NEK10: variants seen among roughly 807,000 people sequenced by gnomAD.
NEK10 encodes the protein serine/threonine-protein kinase Nek10.
Under a neutral mutation model 159.8 loss-of-function variants are expected in NEK10, and 122 were observed. That is an observed-to-expected ratio of 0.76 (90% CI 0.66 to 0.89). The LOEUF (loss-of-function observed/expected upper bound fraction) is 0.89, where lower values mean the gene tolerates loss of function less well. NEK10 is among the 40% of genes least tolerant of loss of function. The pLI is 0.00. For synonymous variants in NEK10, 466 were observed against 457.1 expected (o/e 1.02, Z -0.25); for missense variants, 1,342 against 1,323.1 (o/e 1.01, Z -0.22).
rs529898511 is a variant in NEK10, at chr3:27,140,161, G to A, written c.2970+1321C>T. ...AGAAATAGATGGTCTGCCTATTAAA[G>A]TATTCCTTGATCAGTTTAACAGAAA... On this transcript the variant is annotated intron_variant, in intron 31 of 35. Coordinates refer to ENST00000691995, the MANE Select transcript of NEK10 (RefSeq NM_001394966.1). 4.3e-4 allele frequency among the ~76,000 whole-genome samples: 65 copies of A among 152,318 alleles called. 1 individual carries two copies. In the South Asian group the frequency reaches 0.012, roughly 29 times the overall value.
intron 22 of NEK10, among the ~76,000 whole-genome samples, chr3:27,281,973 A>C (rs569745606): frequency 2.0e-5 from 3 of 152,228 alleles, no homozygotes; most frequent in Non-Finnish European, 4.4e-5. Flanking sequence ...ACAAACAAAA[A>C]AGAAGGCAAT....
intron 26 of NEK10, among the ~76,000 whole-genome samples, chr3:27,183,804 C>A (rs770204882): frequency 6.6e-6 from 1 of 152,072 alleles, no homozygotes; most frequent in Non-Finnish European, 1.5e-5. Flanking sequence ...TACACATACA[C>A]AAAGATATAT....
At chr3:27,193,265 C>T (rs887144632) in intron 25 of NEK10, among the ~76,000 whole-genome samples, 6 of 152,160 alleles carry the variant, frequency 3.9e-5, no homozygotes, top group South Asian at 2.1e-4. Flanking sequence ...GCTATTACAA[C>T]GTCACTTACT....
At chr3:27,248,096 TG>T (rs1955273663) in intron 23 of NEK10, among the ~76,000 whole-genome samples, 1 of 152,120 alleles carries the variant, frequency 6.6e-6, no homozygotes, top group African/African-American at 2.4e-5. Flanking sequence ...GGTTCCATCT[TG>T]GTAGGTTGTA....
intron 23 of NEK10, chr3:27,215,028 C>A: frequency 3.3e-6 from 2 of 601,666 alleles, no homozygotes; most frequent in Non-Finnish European, 6.2e-6. Context: ...ACCTGTTCCC[C>A]ACCGGCGCCT....
intron 32 of NEK10, among the ~76,000 whole-genome samples, chr3:27,121,467 C>G (rs1162110154): frequency 2.0e-5 from 3 of 152,120 alleles, no homozygotes; most frequent in Non-Finnish European, 4.4e-5. Context: ...GTAATTGAAT[C>G]ATGGGTGTGG....
At chr3:27,204,474 C>A (rs1267032936) in intron 23 of NEK10, among the ~76,000 whole-genome samples, 14 of 99,136 alleles carry the variant, frequency 1.4e-4, no homozygotes, top group African/African-American at 2.3e-4. Flanking sequence ...CCCACCCCAC[C>A]ACAGTCCCCA....
intron 26 of NEK10, among the ~76,000 whole-genome samples, chr3:27,176,121 C>T (rs1947481897): frequency 6.6e-6 from 1 of 152,040 alleles, no homozygotes; most frequent in Non-Finnish European, 1.5e-5. Flanking sequence ...TATTTATGTT[C>T]TATAGGTAAG....
At chr3:27,343,525 T>TG (rs1179874151) in intron 5 of NEK10, among the ~76,000 whole-genome samples, 1 of 152,230 alleles carries the variant, frequency 6.6e-6, no homozygotes, top group Non-Finnish European at 1.5e-5. Context: ...ATTTTTCAGC[T>TG]GATGCATCTG....
intron 26 of NEK10, among the ~76,000 whole-genome samples, chr3:27,191,346 G>T (rs775119811): frequency 1.5e-4 from 23 of 151,432 alleles, no homozygotes; most frequent in Non-Finnish European, 2.4e-4. Context: ...CCACTGGGTG[G>T]AGGCCCAAAG....
intron 26 of NEK10, among the ~76,000 whole-genome samples, chr3:27,178,004 C>T (rs1295003081): frequency 6.6e-6 from 1 of 152,144 alleles, no homozygotes; most frequent in South Asian, 2.1e-4. Context: ...CTGCATGCAT[C>T]TATCCTAGGA....
Position 27,202,543 on chromosome 3 carries a change from T to G in NEK10, c.2105A>C (p.Lys702Thr), listed in dbSNP as rs1202811339. 3 of 1,609,106 alleles carry G rather than the reference T, an allele frequency of 1.9e-6. No homozygotes were observed. In the East Asian group the frequency reaches 6.7e-5, roughly 36 times the overall value. ...AGCCTTCTCCCCATACGGCTCACTC[T>G]TCAGTACCTCGGGGCTGAAGTAAAA... The part of the protein sequence containing the change: ...TILYSCPEVL[K>T]SEPYGEKADV... Residue 702 changes from lysine (K) to threonine (T), a missense_variant, in exon 24 of 36, where the codon AAG becomes ACG. Physicochemically the swap from Lys to Thr is moderately conservative, Grantham distance 78. Coordinates refer to ENST00000691995, the MANE Select transcript of NEK10 (RefSeq NM_001394966.1).
At chr3:27,286,520 T>G (rs1290134939) in intron 20 of NEK10, among the ~76,000 whole-genome samples, 1 of 146,616 alleles carries the variant, frequency 6.8e-6, no homozygotes. Flanking sequence ...TAGGTGGGAT[T>G]ACAGGCGCCT....
intron 23 of NEK10, among the ~76,000 whole-genome samples, chr3:27,222,783 C>A (rs1306401553): frequency 3.3e-5 from 5 of 151,838 alleles, no homozygotes; most frequent in Admixed American, 3.3e-4. Context: ...AAAAACTCTA[C>A]AAATATTTTA....
At chr3:27,243,857 G>GTC (rs1954807317) in intron 23 of NEK10, among the ~76,000 whole-genome samples, 3 of 135,610 alleles carry the variant, frequency 2.2e-5, no homozygotes, top group Non-Finnish European at 1.7e-5. Context: ...GTGTGTGTGT[G>GTC]TGTGTGTCTG....
In NEK10 at chr3:27,312,199, C is replaced by T. The variant is rs765884636; in HGVS notation, c.490-22G>A. ...TATACTGCATGAAGGACCAAACCAACAAGCCAGTCAGGACACCAAAAGCAC... is the reference window on the plus strand; with the variant it reads ...TATACTGCATGAAGGACCAAACCAATAAGCCAGTCAGGACACCAAAAGCAC... On this transcript the variant is annotated intron_variant, in intron 7 of 35. Coordinates refer to ENST00000691995, the MANE Select transcript of NEK10 (RefSeq NM_001394966.1). 4 of 1,520,820 alleles carry T rather than the reference C, an allele frequency of 2.6e-6. No homozygotes were observed. In the South Asian group the frequency reaches 4.8e-5, roughly 18 times the overall value. The allele number at this position is 1,520,820 out of a possible 1,614,324, so 94.2% of individuals were successfully genotyped here. A position where few individuals can be genotyped will look rare whatever the true frequency, so the allele number is the denominator to read the frequency against.
intron 22 of NEK10, among the ~76,000 whole-genome samples, chr3:27,267,051 C>G (rs1041258053): frequency 6.6e-6 from 1 of 152,194 alleles, no homozygotes; most frequent in African/African-American, 2.4e-5. Context: ...GCATTCTAGC[C>G]AGGCTCAGTC....
intron 22 of NEK10, among the ~76,000 whole-genome samples, chr3:27,283,083 T>C (rs2042323015): frequency 1.3e-5 from 2 of 152,174 alleles, no homozygotes; most frequent in Non-Finnish European, 2.9e-5. Context: ...TTTCAACAAA[T>C]ATATTAATAT....
chr3:27,323,934 A>G (rs2045832489), intron 5 of NEK10, among the ~76,000 whole-genome samples: 3 of 152,190 alleles, frequency 2.0e-5, no homozygotes. Context: ...TATATGGATG[A>G]CCAATTCTCT....
Sources: allele counts gnomAD v4.1 joint callset (sites outside exome capture counted in the v4.1 genomes callset), GRCh38; gene constraint gnomAD v4.1.1; transcripts MANE v1.5; gene names NCBI Gene and HGNC (gene_info 2026-07-23, HGNC 2026-07-21).